The following GPR158 variants were observed in gnomAD, a reference collection of about 807,000 sequenced individuals.
GPR158 encodes the protein metabotropic glycine receptor.
GPR158 carries 30 observed loss-of-function variants against 78.2 expected under a neutral mutation model. That is an observed-to-expected ratio of 0.38 (90% CI 0.29 to 0.52). The LOEUF (loss-of-function observed/expected upper bound fraction) is 0.52, where lower values mean the gene tolerates loss of function less well. GPR158 is among the 20% of genes least tolerant of loss of function. The pLI is 0.83. For synonymous variants in GPR158, 581 were observed against 591.1 expected (o/e 0.98, Z 0.25); for missense variants, 1,463 against 1,523.5 (o/e 0.96, Z 0.66).
intron 5 of GPR158, among the ~76,000 whole-genome samples, chr10:25,479,602 A>T (rs1490298818): frequency 6.6e-6 from 1 of 151,988 alleles, no homozygotes; most frequent in Non-Finnish European, 1.5e-5. Flanking sequence ...TTTAATAGAG[A>T]TGAGGTTTCA....
intron 5 of GPR158, among the ~76,000 whole-genome samples, chr10:25,517,089 C>A (rs1836187381): frequency 1.3e-5 from 2 of 149,502 alleles, no homozygotes; most frequent in Admixed American, 6.6e-5. Flanking sequence ...TCCTTCACAT[C>A]CCTTGTAAGT....
chr10:25,192,242 T>C (rs897503338), intron 1 of GPR158, among the ~76,000 whole-genome samples: 2 of 152,144 alleles, frequency 1.3e-5, no homozygotes, highest in Non-Finnish European at 2.9e-5. Flanking sequence ...ACTGCCACCT[T>C]ATGAAGAAGG....
intron 1 of GPR158, among the ~76,000 whole-genome samples, chr10:25,198,178 T>C (rs1293213129): frequency 6.6e-6 from 1 of 152,232 alleles, no homozygotes; most frequent in East Asian, 1.9e-4. Context: ...AGATATTCCA[T>C]GCTGATTGAG....
intron 2 of GPR158, among the ~76,000 whole-genome samples, chr10:25,387,516 AT>A (rs57404980): frequency 0.29 from 40,829 of 140,256 alleles, 6,036 homozygotes; most frequent in African/African-American, 0.4. Flanking sequence ...TTCTCTTCAA[AT>A]TTTTTTTTTT....
intron 2 of GPR158, among the ~76,000 whole-genome samples, chr10:25,346,737 G>A (rs1475395218): frequency 1.3e-5 from 2 of 151,932 alleles, no homozygotes; most frequent in East Asian, 3.9e-4. Flanking sequence ...TTGCAAAAAT[G>A]AAGGAAATAT....
intron 1 of GPR158, among the ~76,000 whole-genome samples, chr10:25,206,378 G>A (rs1853030528): frequency 6.6e-6 from 1 of 152,086 alleles, no homozygotes; most frequent in Non-Finnish European, 1.5e-5. Flanking sequence ...AAAAAGTCTG[G>A]AAGACTATGA....
At chr10:25,420,353 A>G (rs962745243) in intron 4 of GPR158, among the ~76,000 whole-genome samples, 2 of 151,930 alleles carry the variant, frequency 1.3e-5, no homozygotes, top group Non-Finnish European at 2.9e-5. Flanking sequence ...GAGTCTTGCT[A>G]TGTTGCCGAG....
chr10:25,254,288 G>T (rs1215388464), intron 2 of GPR158, among the ~76,000 whole-genome samples: 1 of 151,896 alleles, frequency 6.6e-6, no homozygotes, highest in African/African-American at 2.4e-5. Flanking sequence ...TTTTCTTCAT[G>T]GCAAAACAGG....
intron 5 of GPR158, among the ~76,000 whole-genome samples, chr10:25,501,019 C>T (rs1399043628): frequency 1.3e-5 from 2 of 152,238 alleles, no homozygotes; most frequent in South Asian, 2.1e-4. Flanking sequence ...ATCAGCCTAT[C>T]GTACGCGTAA....
At chr10:25,537,184 T>C (rs1207834903) in intron 5 of GPR158, among the ~76,000 whole-genome samples, 1 of 152,236 alleles carries the variant, frequency 6.6e-6, no homozygotes, top group Non-Finnish European at 1.5e-5. Context: ...CCTTACTGTA[T>C]AGTCTTTCCA....
intron 4 of GPR158, among the ~76,000 whole-genome samples, chr10:25,439,578 G>A (rs779797512): frequency 1.9e-4 from 29 of 152,104 alleles, no homozygotes; most frequent in Non-Finnish European, 3.5e-4. Context: ...GTGTTATATA[G>A]TGTATGTCCT....
intron 2 of GPR158, among the ~76,000 whole-genome samples, chr10:25,350,260 C>G (rs1297363070): frequency 6.6e-6 from 1 of 151,946 alleles, no homozygotes; most frequent in Non-Finnish European, 1.5e-5. Flanking sequence ...GAAATTTATA[C>G]TTTTAAATAA....
At chr10:25,340,814 A>T (rs1210029887) in intron 2 of GPR158, among the ~76,000 whole-genome samples, 1 of 152,088 alleles carries the variant, frequency 6.6e-6, no homozygotes, top group Non-Finnish European at 1.5e-5. Flanking sequence ...ATTTGAAGAA[A>T]TGATGGCTGA....
chr10:25,257,724 C>T (rs147308017), intron 2 of GPR158, among the ~76,000 whole-genome samples: 43 of 152,244 alleles, frequency 2.8e-4, no homozygotes, highest in African/African-American at 1.0e-3. Flanking sequence ...CATATTATAT[C>T]ATTAACTTGT....
At chr10:25,516,736 G>A (rs563935563) in intron 5 of GPR158, among the ~76,000 whole-genome samples, 1 of 105,424 alleles carries the variant, frequency 9.5e-6, no homozygotes, top group South Asian at 3.8e-4. Flanking sequence ...CTATATCTCT[G>A]TTTTGGTACC....
At chr10:25,294,339 G>A (rs532377866) in intron 2 of GPR158, among the ~76,000 whole-genome samples, 18 of 152,104 alleles carry the variant, frequency 1.2e-4, no homozygotes, top group Non-Finnish European at 1.8e-4. Context: ...TATTAAAATC[G>A]TGTCTTAATT....
At chr10:25,295,579 A>G (rs942346219) in intron 2 of GPR158, among the ~76,000 whole-genome samples, 14 of 151,972 alleles carry the variant, frequency 9.2e-5, no homozygotes, top group African/African-American at 3.4e-4. Flanking sequence ...ACGCCCGGCT[A>G]ATTTTTTGTA....
chr10:25,598,795 G>A lies in GPR158; in HGVS notation c.3169G>A (p.Val1057Ile). 4 of 1,614,108 alleles carry A rather than the reference G, an allele frequency of 2.5e-6. No homozygotes were observed. Among genetic ancestry groups the A allele is most frequent in the Non-Finnish European group, 3.4e-6 (4 of 1,180,026 alleles). The change falls in exon 11 of 11, where the codon GTT (valine) becomes ATT (isoleucine). Residue 1057 changes from valine to isoleucine, a missense_variant. Physicochemically the swap from Val to Ile is conservative, Grantham distance 29. Transcript: ENST00000376351. ...TCACCACAAGCCTAAGGCAGCTGAG[G>A]TTTGTCAGCAATCCAATCAGAAGCG... ...KSHHKPKAAE[V>I]CQQSNQKRID...
chr10:25,202,756 T>G (rs1377324764), intron 1 of GPR158, among the ~76,000 whole-genome samples: 1 of 152,222 alleles, frequency 6.6e-6, no homozygotes, highest in East Asian at 1.9e-4. Context: ...GTATAATCCT[T>G]TGGGCATATA....
Sources: allele counts gnomAD v4.1 joint callset (sites outside exome capture counted in the v4.1 genomes callset), GRCh38; gene constraint gnomAD v4.1.1; transcripts MANE v1.5; gene names NCBI Gene and HGNC (gene_info 2026-07-23, HGNC 2026-07-21).